SGPP2: variants seen among roughly 807,000 people sequenced by gnomAD.
SGPP2 encodes sphingosine 1-phosphate phosphohydrolase 2.
In SGPP2, 30 loss-of-function variants were observed where a neutral mutation model predicts 33.9. The observed-to-expected ratio is 0.89, with a 90% CI of 0.66 to 1.20. The LOEUF (loss-of-function observed/expected upper bound fraction) is 1.20, where lower values mean the gene tolerates loss of function less well. Ranked by LOEUF, SGPP2 falls within the 50% of genes most tolerant of loss-of-function variation. The pLI, the probability that SGPP2 is intolerant of heterozygous loss-of-function variation, is 0.00. For synonymous variants in SGPP2, 233 were observed against 225.0 expected (o/e 1.04, Z -0.32); for missense variants, 458 against 532.1 (o/e 0.86, Z 1.37).
At chr2:222,431,472 C>G (rs1168233880) in intron 1 of SGPP2, among the ~76,000 whole-genome samples, 4 of 152,162 alleles carry the variant, frequency 2.6e-5, no homozygotes. Flanking sequence ...TGCCACTGCA[C>G]TCCATTCTAG....
intron 2 of SGPP2, among the ~76,000 whole-genome samples, chr2:222,517,725 A>G (rs1698627043): frequency 6.6e-6 from 1 of 152,208 alleles, no homozygotes; most frequent in Non-Finnish European, 1.5e-5. Context: ...CAGAGCCCCA[A>G]AAGCATTTGC....
intron 4 of SGPP2, among the ~76,000 whole-genome samples, chr2:222,555,470 GGTT>G (rs1200575971): frequency 1.2e-5 from 1 of 81,642 alleles, no homozygotes; most frequent in Non-Finnish European, 2.6e-5. Context: ...TTTTTTTGGT[GGTT>G]GTTGATTTTT....
chr2:222,529,425 C>T (rs1475407876), intron 4 of SGPP2, among the ~76,000 whole-genome samples: 2 of 152,130 alleles, frequency 1.3e-5, no homozygotes, highest in East Asian at 3.9e-4. Context: ...ACCTCCGTCT[C>T]CCGGGTTCAA....
At chr2:222,446,498 T>C (rs1697401695) in intron 1 of SGPP2, among the ~76,000 whole-genome samples, 1 of 152,234 alleles carries the variant, frequency 6.6e-6, no homozygotes, top group Non-Finnish European at 1.5e-5. Context: ...GATAATGTTT[T>C]CTATGCATGG....
chr2:222,429,808 C>T (rs1326753211), intron 1 of SGPP2, among the ~76,000 whole-genome samples: 1 of 152,198 alleles, frequency 6.6e-6, no homozygotes, highest in African/African-American at 2.4e-5. Context: ...CTCTTAATAG[C>T]TACTACCGAA....
chr2:222,472,383 T>C (rs116002837), intron 1 of SGPP2, among the ~76,000 whole-genome samples: 1,921 of 152,110 alleles, frequency 0.013, 48 homozygotes, highest in African/African-American at 0.043. Flanking sequence ...AATCAGCCTC[T>C]GAGTGGGGGC....
chr2:222,505,770 C>T (rs1340375331), intron 2 of SGPP2, among the ~76,000 whole-genome samples: 2 of 151,400 alleles, frequency 1.3e-5, no homozygotes, highest in Non-Finnish European at 2.9e-5. Flanking sequence ...CCCATCTCTA[C>T]AAAAAAATAC....
intron 1 of SGPP2, among the ~76,000 whole-genome samples, chr2:222,434,092 A>T (rs1258243799): frequency 6.6e-6 from 1 of 152,186 alleles, no homozygotes; most frequent in African/African-American, 2.4e-5. Flanking sequence ...GTGAGAAAAC[A>T]CTGTCACAGT....
intron 3 of SGPP2, among the ~76,000 whole-genome samples, chr2:222,523,511 C>T (rs768455127): frequency 3.3e-5 from 5 of 152,120 alleles, no homozygotes; most frequent in East Asian, 1.9e-4. Flanking sequence ...ACCATCACCA[C>T]GGACACATCC....
intron 1 of SGPP2, among the ~76,000 whole-genome samples, chr2:222,473,924 C>CAAAAAAAAAAAAAAAAAA (rs59649395): frequency 7.8e-6 from 1 of 127,412 alleles, no homozygotes; most frequent in African/African-American, 3.2e-5. Flanking sequence ...AACTCTGTCT[C>CAAAAAAAAAAAAAAAAAA]AAAAAAAAAA....
intron 1 of SGPP2, among the ~76,000 whole-genome samples, chr2:222,468,776 G>T (rs1697793897): frequency 6.6e-6 from 1 of 152,194 alleles, no homozygotes; most frequent in African/African-American, 2.4e-5. Flanking sequence ...CAGTCAATCT[G>T]CATGCCTCCC....
intron 1 of SGPP2, among the ~76,000 whole-genome samples, chr2:222,445,469 C>T (rs1697384808): frequency 6.6e-6 from 1 of 152,230 alleles, no homozygotes. Context: ...TGCTGACTCA[C>T]ACCAGTTGCT....
chr2:222,494,502 G>A (rs979123871), intron 2 of SGPP2, among the ~76,000 whole-genome samples: 1 of 152,152 alleles, frequency 6.6e-6, no homozygotes, highest in Non-Finnish European at 1.5e-5. Flanking sequence ...GGTCTCCCAG[G>A]TCACCTTGCC....
In SGPP2 at chr2:222,524,976, G is replaced by A. The variant is rs768494106; in HGVS notation, c.591G>A (p.Val197=). Reference sequence around the variant, plus strand: ...TTGTGTTGGGACTGGTGATGGCCGTGGTGTTTTCCACCTTGGTGTGTCTCA... The same window carrying A: ...TTGTGTTGGGACTGGTGATGGCCGTAGTGTTTTCCACCTTGGTGTGTCTCA... ...YPFVLGLVMA[V]VFSTLVCLSR... The change falls in exon 4 of 5, where the codon GTG becomes GTA. Residue 197 remains valine, a synonymous_variant. Coordinates refer to ENST00000321276, the MANE Select transcript of SGPP2 (RefSeq NM_152386.4). 16 of 1,613,828 alleles carry A rather than the reference G, an allele frequency of 9.9e-6. No homozygotes were observed. The highest frequency in any genetic ancestry group is 1.7e-5 in the Admixed American group (1 of 59,978).
upstream of SGPP2, among the ~76,000 whole-genome samples, chr2:222,424,318 G>C (rs975243980): frequency 3.9e-5 from 6 of 152,040 alleles, no homozygotes; most frequent in East Asian, 1.9e-4. Context: ...TTCGGAGATC[G>C]GCACTCCTCC....
At chr2:222,541,883 T>C (rs1358826543) in intron 4 of SGPP2, among the ~76,000 whole-genome samples, 1 of 152,176 alleles carries the variant, frequency 6.6e-6, no homozygotes, top group African/African-American at 2.4e-5. Flanking sequence ...ATTACAGGTG[T>C]GAGCCACTGT....
chr2:222,434,989 C>T (rs751410006), intron 1 of SGPP2, among the ~76,000 whole-genome samples: 26,063 of 121,714 alleles, frequency 0.21, 2,431 homozygotes, highest in Middle Eastern at 0.33. Context: ...CACACACACA[C>T]ACACACACAC....
intron 1 of SGPP2, among the ~76,000 whole-genome samples, chr2:222,432,690 A>T (rs1405467562): frequency 6.6e-6 from 1 of 152,130 alleles, no homozygotes; most frequent in Non-Finnish European, 1.5e-5. Flanking sequence ...AACAATAGGA[A>T]CTCAGAAGCC....
chr2:222,479,714 C>G (rs915698496), intron 2 of SGPP2, among the ~76,000 whole-genome samples: 1 of 152,124 alleles, frequency 6.6e-6, no homozygotes, highest in Non-Finnish European at 1.5e-5. Flanking sequence ...CTTATCTACC[C>G]TTCTTAACCC....
Sources: gnomAD v4.1 joint callset for allele counts (sites outside exome capture counted in the v4.1 genomes callset) on GRCh38, gnomAD v4.1.1 for gene constraint, MANE v1.5 for transcripts, NCBI Gene and HGNC (gene_info 2026-07-23, HGNC 2026-07-21) for gene names.